MTFP1: variants seen among roughly 807,000 people sequenced by gnomAD.
The protein encoded by MTFP1 is mitochondrial fission process 1.
A neutral mutation model predicts 17.1 loss-of-function variants in MTFP1; 19 were observed. The observed-to-expected ratio is 1.11, with a 90% CI of 0.77 to 1.63. The LOEUF (loss-of-function observed/expected upper bound fraction) is 1.63, where lower values mean the gene tolerates loss of function less well. MTFP1 is among the 40% of genes most tolerant of loss of function. The probability of loss-of-function intolerance (pLI) is 0.00; values close to 1 mark genes in which losing one functional copy is unlikely to be tolerated. For synonymous variants in MTFP1, 89 were observed against 95.2 expected, an observed-to-expected ratio of 0.93 and a Z score of 0.38; for missense variants, 221 against 226.2, an observed-to-expected ratio of 0.98 and a Z score of 0.15.
In MTFP1 at chr22:30,428,656, G is replaced by C; in HGVS notation, c.*122G>C. ...AAGACCCTGGCACCTGGGTGGGTTT[G>C]AGCTGGACAGAAGCTTAGAGACAAA... On this transcript the variant is annotated 3_prime_UTR_variant, in exon 4 of 4. Transcript: ENST00000266263. 6.2e-7 allele frequency: 1 copy of C among 1,614,116 alleles called. No individual in the cohort carries two copies. Among genetic ancestry groups the C allele is most frequent in the Non-Finnish European group, 8.5e-7 (1 of 1,180,024 alleles).
intron 1 of MTFP1, 84 bp from the exon 2 acceptor site, chr22:30,426,633 G>A: frequency 6.4e-7 from 1 of 1,555,078 alleles, no homozygotes; most frequent in South Asian, 1.2e-5. Context: ...GGACTGCTTA[G>A]CTGGCTAGGA....
In MTFP1 at chr22:30,427,193, G is replaced by A. The variant is rs144789689; in HGVS notation, c.218G>A (p.Arg73His). 44 of 1,614,072 alleles carry A rather than the reference G, an allele frequency of 2.7e-5. No individual in the cohort carries two copies. The highest frequency in any genetic ancestry group is 7.7e-5 in the South Asian group (7 of 91,090). The stretch of plus-strand genomic sequence containing the variant: ...CAGGTGCCCAGCCCTGAAGCAGGCC[G>A]CAGCGCCAGGGTGACTGTGGCTGTG... ...AGEVPSPEAG[R>H]SARVTVAVVD... Residue 73 changes from arginine to histidine, a missense_variant, in exon 3 of 4, where the codon CGC (arginine) becomes CAC (histidine). Coordinates refer to ENST00000266263, the MANE Select transcript of MTFP1 (RefSeq NM_016498.5).
At position 30,427,409 on chromosome 22, in the gene MTFP1, T is replaced by G. The variant is rs1601796577; in HGVS notation, c.428+6T>G. Reference sequence around the variant, plus strand: ...ATTATCCACCCCATTGACAGGTGGGTACCTTCTTGGCCTCAGGGATCATCC... The same window carrying G: ...ATTATCCACCCCATTGACAGGTGGGGACCTTCTTGGCCTCAGGGATCATCC... On this transcript the variant is annotated splice_donor_region_variant and intron_variant, in intron 3 of 3. Coordinates refer to ENST00000266263, the MANE Select transcript of MTFP1 (RefSeq NM_016498.5). 2 of 1,612,736 alleles carry G rather than the reference T, an allele frequency of 1.2e-6. No individual in the cohort carries two copies. The highest frequency in any genetic ancestry group is 1.7e-6 in the Non-Finnish European group (2 of 1,178,896).
intron 1 of MTFP1, 150 bp downstream of exon 1, chr22:30,426,096 GGGAC>G: frequency 1.2e-6 from 1 of 852,146 alleles, no homozygotes; most frequent in Non-Finnish European, 1.7e-6. Flanking sequence ...GACAGGGCTA[GGGAC>G]TTGCCCAAGG....
Position 30,425,895 on chromosome 22 carries a change from C to T in MTFP1, c.16C>T (p.Pro6Ser). 1 of 1,533,234 alleles carries T rather than the reference C, an allele frequency of 6.5e-7. No homozygotes were observed. Among genetic ancestry groups the T allele is most frequent in the Non-Finnish European group, 8.8e-7 (1 of 1,140,740 alleles). 95.0% of individuals were successfully genotyped at this position (1,533,234 alleles called of 1,614,324 possible). The change falls in exon 1 of 4, where the codon CCG (proline) becomes TCG (serine). Residue 6 changes from proline (P) to serine (S), a missense_variant. Physicochemically the swap from Pro to Ser is moderately conservative, Grantham distance 74 (BLOSUM62 -1). Transcript: ENST00000266263. Reference protein sequence around the residue: MSEPQPRGAERDLYRD... With the variant: MSEPQSRGAERDLYRD... ...CGGGAGAGTCATGTCAGAGCCGCAG[C>T]CGCGGGGCGCAGAGCGCGATCTCTA...
intron 2 of MTFP1, 121 bp downstream of exon 2, chr22:30,426,965 G>A (rs1455142747): frequency 2.0e-6 from 3 of 1,507,008 alleles, no homozygotes; most frequent in Non-Finnish European, 1.8e-6. Flanking sequence ...CTTGCCTAGT[G>A]CAGTCCATAG....
chr22:30,428,441 C>A (rs765194786), intron 3 of MTFP1, 21 bp from the exon 4 acceptor site: 1 of 1,610,812 alleles, frequency 6.2e-7, no homozygotes, highest in East Asian at 2.2e-5. Context: ...CACCTGCTCA[C>A]CACCCTTCCA....
chr22:30,426,971 C>T, intron 2 of MTFP1, 127 bp downstream of exon 2: 8 of 1,487,284 alleles, frequency 5.4e-6, no homozygotes, highest in Non-Finnish European at 7.4e-6. Context: ...TAGTGCAGTC[C>T]ATAGACAGTC....
In MTFP1 at chr22:30,425,806, AC is replaced by A; in HGVS notation, c.-71del. On this transcript the variant is annotated 5_prime_UTR_variant, in exon 1 of 4. Transcript: ENST00000266263. ...CTTTCGGCGGGTCCCGGCCGGGCAG[AC>A]CCAAGTGCCGGCGGCGGAGACTGCA... 1.4e-6 allele frequency: 2 copies of A among 1,432,016 alleles called. No homozygotes were observed. The highest frequency in any genetic ancestry group is 1.9e-6 in the Non-Finnish European group (2 of 1,079,134). The allele number at this position is 1,432,016 out of a possible 1,614,324, so 88.7% of individuals were successfully genotyped here. A position where few individuals can be genotyped will look rare whatever the true frequency, so the allele number is the denominator to read the frequency against.
intron 3 of MTFP1, 62 bp from the exon 4 acceptor site, chr22:30,428,400 T>G (rs1934707427): frequency 1.2e-5 from 18 of 1,468,202 alleles, no homozygotes; most frequent in Non-Finnish European, 1.7e-5. Context: ...CCTGGCCTTC[T>G]GCCTTCTGTT....
rs532152238 is a variant in MTFP1 at position 30,428,951 on chromosome 22, C to A, written c.*417C>A. 4.3e-6 allele frequency: 2 copies of A among 465,002 alleles called. No homozygotes were observed. Among genetic ancestry groups the A allele is most frequent in the Non-Finnish European group, 7.9e-6 (2 of 252,630 alleles). The allele number at this position is 465,002 out of a possible 1,614,324, so 28.8% of individuals were successfully genotyped here. A position where few individuals can be genotyped will look rare whatever the true frequency, so the allele number is the denominator to read the frequency against. On this transcript the variant is annotated 3_prime_UTR_variant, in exon 4 of 4. Coordinates refer to ENST00000266263, the MANE Select transcript of MTFP1 (RefSeq NM_016498.5). ...CATGGTGGTATGGCTGAACAAGGAG[C>A]GGCAGACAACTCAGGGAGAAACTCA...
Position 30,427,259 on chromosome 22 carries a change from T to C in MTFP1, c.284T>C (p.Ile95Thr). The change falls in exon 3 of 4, where the codon ATT becomes ACT. Residue 95 changes from isoleucine (I) to threonine (T), a missense_variant. By Grantham distance (89) the Ile-to-Thr change is moderately conservative. Coordinates refer to ENST00000266263, the MANE Select transcript of MTFP1 (RefSeq NM_016498.5). Reference sequence around the variant, plus strand: ...TGGCAGGCTCTAGCCTCTGTGGCCATTCCGGGCTTCACCATCAACCGCGTG... The same window carrying C: ...TGGCAGGCTCTAGCCTCTGTGGCCACTCCGGGCTTCACCATCAACCGCGTG... Reference protein sequence around the residue: ...FVWQALASVAIPGFTINRVCA... With the variant: ...FVWQALASVATPGFTINRVCA... The C allele has an allele frequency of 6.2e-7, 1 of 1,614,066 alleles. No individual in the cohort carries two copies. Among genetic ancestry groups the C allele is most frequent in the Non-Finnish European group, 8.5e-7 (1 of 1,180,038 alleles).
At chr22:30,427,558 G>A (rs562007934) in intron 3 of MTFP1, among the ~76,000 whole-genome samples, 155 bp downstream of exon 3, 1 of 152,320 alleles carries the variant, frequency 6.6e-6, no homozygotes, top group African/African-American at 2.4e-5. Context: ...TCCTGGGTTA[G>A]AAAGGACAGC....
chr22:30,428,009 TAAC>T lies in MTFP1; in HGVS notation c.429-447_429-445del, dbSNP rs1934702089. ...TCCCCCAGCAGAAGCTTTTAAACAG[TAAC>T]AACAAAAATCCCAAGGAAGGGTGTC... is the stretch of plus-strand genomic sequence containing the variant. On this transcript the variant is annotated intron_variant, in intron 3 of 3. Coordinates refer to ENST00000266263, the MANE Select transcript of MTFP1 (RefSeq NM_016498.5). 3.3e-5 allele frequency among the ~76,000 whole-genome samples: 5 copies of T among 152,158 alleles called. No homozygotes were observed. In the South Asian group the frequency reaches 1.0e-3, roughly 32 times the overall value.
chr22:30,427,664 A>G (rs1478049039), intron 3 of MTFP1, among the ~76,000 whole-genome samples: 1 of 152,236 alleles, frequency 6.6e-6, no homozygotes, highest in African/African-American at 2.4e-5. Flanking sequence ...ATTCCCAGAA[A>G]GAAAGTCTAG....
chr22:30,428,441 C>T (rs765194786), intron 3 of MTFP1, 21 bp from the exon 4 acceptor site: 15 of 1,610,696 alleles, frequency 9.3e-6, no homozygotes, highest in African/African-American at 1.3e-5. Context: ...CACCTGCTCA[C>T]CACCCTTCCA....
At chr22:30,426,680 A>C in intron 1 of MTFP1, 37 bp from the exon 2 acceptor site, 1 of 1,611,112 alleles carries the variant, frequency 6.2e-7, no homozygotes, top group East Asian at 2.2e-5. Flanking sequence ...CTCGTGGAAC[A>C]GTTGCGAGCC....
chr22:30,428,634 A>T lies in MTFP1; in HGVS notation c.*100A>T, dbSNP rs114347202. ...ACACCTGGCTCCCTGGTGTCCAAAG[A>T]CCCTGGCACCTGGGTGGGTTTGAGC... On this transcript the variant is annotated 3_prime_UTR_variant, in exon 4 of 4. Transcript: ENST00000266263. 6.1e-3 allele frequency: 9,868 copies of T among 1,609,918 alleles called. 486 individuals carry two copies. The African/African-American group carries it at 0.11, about 18-fold the overall frequency.
rs202164952 is a variant in MTFP1 at position 30,426,845 on chromosome 22, G to A, written c.195+1G>A. The A allele has an allele frequency of 2.0e-5, 32 of 1,609,280 alleles. No individual in the cohort carries two copies. Among genetic ancestry groups the A allele is most frequent in the Non-Finnish European group, 2.6e-5 (31 of 1,179,958 alleles). On this transcript the variant is annotated splice_donor_variant, in intron 2 of 3. Transcript: ENST00000266263. LOFTEE classifies it high-confidence loss of function. The stretch of plus-strand genomic sequence containing the variant: ...TGACAAAGGCAAGAAGGCTGGAGAG[G>A]TGAGTGTTAGCCTATTTTCCAACCC...
Sources: gnomAD v4.1 joint callset for allele counts (sites outside exome capture counted in the v4.1 genomes callset) on GRCh38, gnomAD v4.1.1 for gene constraint, MANE v1.5 for transcripts, NCBI Gene and HGNC (gene_info 2026-07-23, HGNC 2026-07-21) for gene names.